The following SMYD3 variants were observed in gnomAD, a reference collection of about 807,000 sequenced individuals.
The protein encoded by SMYD3 is histone-lysine N-methyltransferase SMYD3.
In SMYD3, 36 loss-of-function variants were observed where a neutral mutation model predicts 57.7. The ratio of observed to expected loss-of-function variants is 0.62; its 90% CI spans 0.48 to 0.82. The LOEUF is 0.82. Ranked by LOEUF, SMYD3 falls within the 40% of genes least tolerant of loss-of-function variation. SMYD3 has a pLI of 0.00. For synonymous variants in SMYD3, 211 were observed against 195.0 expected (o/e 1.08, Z -0.68); for missense variants, 515 against 538.8 (o/e 0.96, Z 0.44).
intron 5 of SMYD3, among the ~76,000 whole-genome samples, chr1:246,286,653 A>G (rs979684536): frequency 2.6e-5 from 4 of 152,248 alleles, no homozygotes; most frequent in East Asian, 1.9e-4. Flanking sequence ...GTTTTTGTTC[A>G]TCTTTGTATA....
chr1:246,430,974 G>A (rs1210267639), intron 1 of SMYD3, among the ~76,000 whole-genome samples: 1 of 152,178 alleles, frequency 6.6e-6, no homozygotes, highest in South Asian at 2.1e-4. Context: ...CAGCAAGATA[G>A]AATAAGAACT....
intron 5 of SMYD3, among the ~76,000 whole-genome samples, chr1:246,238,372 G>A (rs10754500): frequency 0.21 from 31,568 of 151,976 alleles, 3,993 homozygotes; most frequent in East Asian, 0.58. Flanking sequence ...CTTGACTTTT[G>A]TTACAGCATT....
At chr1:246,273,750 A>G (rs966412344) in intron 5 of SMYD3, among the ~76,000 whole-genome samples, 2 of 150,848 alleles carry the variant, frequency 1.3e-5, no homozygotes, top group East Asian at 2.0e-4. Flanking sequence ...ACACCCTGCT[A>G]ATTTTTGTAT....
chr1:246,465,575 TGTAATCC>T (rs2067870330), intron 1 of SMYD3, among the ~76,000 whole-genome samples: 1 of 152,182 alleles, frequency 6.6e-6, no homozygotes, highest in African/African-American at 2.4e-5. Flanking sequence ...GGCTCATGCC[TGTAATCC>T]CAACACTTTG....
At chr1:245,883,380 G>A (rs1291462644) in intron 8 of SMYD3, among the ~76,000 whole-genome samples, 1 of 152,050 alleles carries the variant, frequency 6.6e-6, no homozygotes, top group African/African-American at 2.4e-5. Flanking sequence ...AACCACCCAA[G>A]GAAAAGTCTG....
chr1:246,279,737 G>A (rs1246216612), intron 5 of SMYD3, among the ~76,000 whole-genome samples: 1 of 152,156 alleles, frequency 6.6e-6, no homozygotes, highest in Non-Finnish European at 1.5e-5. Context: ...GGGAAGAACA[G>A]TCCAAGAAGT....
At chr1:246,505,432 C>T (rs985321054) in intron 1 of SMYD3, among the ~76,000 whole-genome samples, 1 of 151,996 alleles carries the variant, frequency 6.6e-6, no homozygotes, top group Admixed American at 6.6e-5. Context: ...TCCCAAGGAG[C>T]AGCAGCAGCA....
At chr1:245,944,660 CA>C (rs1173529827) in intron 5 of SMYD3, among the ~76,000 whole-genome samples, 1 of 152,002 alleles carries the variant, frequency 6.6e-6, no homozygotes, top group African/African-American at 2.4e-5. Context: ...CATATGGAAC[CA>C]AAAGAGAGCC....
At chr1:246,121,080 A>G (rs1290244130) in intron 5 of SMYD3, among the ~76,000 whole-genome samples, 1 of 152,222 alleles carries the variant, frequency 6.6e-6, no homozygotes, top group East Asian at 1.9e-4. Context: ...GAAAACATGA[A>G]TACAGCTTTT....
intron 2 of SMYD3, among the ~76,000 whole-genome samples, chr1:246,348,431 T>A (rs1462591183): frequency 1.3e-5 from 2 of 151,780 alleles, no homozygotes; most frequent in Non-Finnish European, 2.9e-5. Flanking sequence ...AAAAAATATA[T>A]ATATATATGT....
intron 5 of SMYD3, among the ~76,000 whole-genome samples, chr1:246,194,503 G>A (rs552247781): frequency 1.4e-4 from 21 of 152,152 alleles, no homozygotes; most frequent in Admixed American, 3.9e-4. Flanking sequence ...TCCCGACCTC[G>A]TGTTCCGCCT....
intron 5 of SMYD3, among the ~76,000 whole-genome samples, chr1:246,106,118 G>T (rs2061113378): frequency 6.6e-6 from 1 of 152,146 alleles, no homozygotes; most frequent in Non-Finnish European, 1.5e-5. Flanking sequence ...TCTAGGCCTT[G>T]TGCCTATTCA....
intron 5 of SMYD3, among the ~76,000 whole-genome samples, chr1:246,014,964 T>A (rs2059351843): frequency 6.6e-6 from 1 of 152,256 alleles, no homozygotes; most frequent in South Asian, 2.1e-4. Flanking sequence ...TGAACTCCTA[T>A]CCCAGGAACA....
chr1:246,468,810 TG>T (rs2067918712), intron 1 of SMYD3, among the ~76,000 whole-genome samples: 1 of 152,084 alleles, frequency 6.6e-6, no homozygotes, highest in Admixed American at 6.6e-5. Flanking sequence ...ACATTACCAC[TG>T]GAAAAACTTT....
intron 5 of SMYD3, among the ~76,000 whole-genome samples, chr1:246,191,545 G>A (rs2062739137): frequency 1.3e-5 from 2 of 152,172 alleles, no homozygotes; most frequent in South Asian, 4.1e-4. Flanking sequence ...TATTAGGGGT[G>A]TGTATCCAAA....
chr1:246,252,797 C>T (rs2063817700), intron 5 of SMYD3, among the ~76,000 whole-genome samples: 1 of 152,138 alleles, frequency 6.6e-6, no homozygotes, highest in Non-Finnish European at 1.5e-5. Flanking sequence ...TCACATAACA[C>T]TTAATAATCA....
At chr1:246,266,182 C>T (rs888280113) in intron 5 of SMYD3, among the ~76,000 whole-genome samples, 17 of 152,128 alleles carry the variant, frequency 1.1e-4, no homozygotes, top group African/African-American at 4.1e-4. Flanking sequence ...ATTTTGTTTA[C>T]AATGTATCAA....
At chr1:246,160,518 T>C (rs550565083) in intron 5 of SMYD3, among the ~76,000 whole-genome samples, 1 of 152,288 alleles carries the variant, frequency 6.6e-6, no homozygotes, top group Admixed American at 6.5e-5. Context: ...AGCTTCTGAA[T>C]GTGCAAAGGT....
At chr1:246,425,677 C>A (rs574589600) in intron 1 of SMYD3, among the ~76,000 whole-genome samples, 3 of 152,182 alleles carry the variant, frequency 2.0e-5, no homozygotes, top group Admixed American at 6.5e-5. Context: ...CCAATAGTTG[C>A]GGCCTGTTCA....
Sources: gnomAD v4.1 joint callset for allele counts (sites outside exome capture counted in the v4.1 genomes callset) on GRCh38, gnomAD v4.1.1 for gene constraint, MANE v1.5 for transcripts, NCBI Gene and HGNC (gene_info 2026-07-23, HGNC 2026-07-21) for gene names.